Variants in ZNF239 observed in about 807,000 individuals in gnomAD.
ZNF239 encodes the protein zinc finger protein 239, also known as zinc finger protein (C2H2) homologous to mouse MOK-2.
Under a neutral mutation model 27.5 loss-of-function variants are expected in ZNF239, and 16 were observed. The observed-to-expected ratio is 0.58, with a 90% CI of 0.39 to 0.88. ZNF239 has a LOEUF of 0.88. ZNF239 is among the 40% of genes least tolerant of loss of function. The probability of loss-of-function intolerance (pLI) is 0.00; values close to 1 mark genes in which losing one functional copy is unlikely to be tolerated. For missense variants in ZNF239, 527 were observed against 551.9 expected, an observed-to-expected ratio of 0.95 and a Z score of 0.45; for synonymous variants, 199 against 192.6, an observed-to-expected ratio of 1.03 and a Z score of -0.27.
At chr10:43,561,198 A>T (rs553243727) in intron 3 of ZNF239, among the ~76,000 whole-genome samples, 2 of 152,278 alleles carry the variant, frequency 1.3e-5, no homozygotes, top group African/African-American at 4.8e-5. Flanking sequence ...ACACAGGGAG[A>T]GAAAATGATC....
chr10:43,565,817 G>GAAAAAAAAAAAAAAAAAAAAAAAAA, intron 3 of ZNF239, among the ~76,000 whole-genome samples: 1 of 67,146 alleles, frequency 1.5e-5, no homozygotes. Context: ...TCCATCTCAA[G>GAAAAAAAAAAAAAAAAAAAAAAAAA]AAAAAAAAAA....
chr10:43,561,334 A>AAAACAAACAAACAAAC (rs10647144), intron 3 of ZNF239, among the ~76,000 whole-genome samples: 23 of 150,962 alleles, frequency 1.5e-4, no homozygotes, highest in Middle Eastern at 3.4e-3. Flanking sequence ...CTTCAAGGAA[A>AAAACAAACAAACAAAC]AAACAAACAA....
intron 2 of ZNF239, chr10:43,568,381 C>A (rs557880868): frequency 1.0e-6 from 1 of 985,436 alleles, no homozygotes; most frequent in South Asian, 4.7e-5. Flanking sequence ...AACACTCTGA[C>A]CTCACATTTC....
intron 3 of ZNF239, among the ~76,000 whole-genome samples, chr10:43,566,522 G>C (rs1028908532): frequency 2.3e-4 from 35 of 152,182 alleles, no homozygotes; most frequent in African/African-American, 8.4e-4. Context: ...ATGAGCTCAA[G>C]CCATCTGCCC....
Position 43,567,884 on chromosome 10 carries a change from CAT to C in ZNF239, c.-93+13_-93+14del. ...GCCAATGGGCAGGTGTCCAAGTTCA[CAT>C]GTCCTTACCCACCAAGACCAAGTTT... is the stretch of plus-strand genomic sequence containing the variant. On this transcript the variant is annotated intron_variant, in intron 3 of 3. Transcript: ENST00000374446. The C allele has an allele frequency of 1.0e-6, 1 of 985,368 alleles. No individual in the cohort carries two copies. Among genetic ancestry groups the C allele is most frequent in the Non-Finnish European group, 1.2e-6 (1 of 829,602 alleles). 61.0% of individuals were successfully genotyped at this position (985,368 alleles called of 1,614,324 possible). A position where few individuals can be genotyped will look rare whatever the true frequency, so the allele number is the denominator to read the frequency against.
rs572508499 is a variant in ZNF239 at position 43,565,725 on chromosome 10, G to A, written c.-93+2174C>T. Among the ~76,000 whole-genome samples, 4 of 143,094 alleles carry A rather than the reference G, an allele frequency of 2.8e-5. No individual in the cohort carries two copies. The South Asian group carries it at 9.4e-4, about 34-fold the overall frequency. The allele number at this position is 143,094 out of a possible 152,430, so 93.9% of individuals were successfully genotyped here. On this transcript the variant is annotated intron_variant, in intron 3 of 3. Coordinates refer to ENST00000374446, the MANE Select transcript of ZNF239 (RefSeq NM_001099282.2). ...AGCTACTCAGGAGTCTGAGGCAGGA[G>A]AATTGCTTGAACCCAGGAGGCGGAG...
chr10:43,571,881 A>G (rs1275096251), intron 2 of ZNF239, among the ~76,000 whole-genome samples: 1 of 152,168 alleles, frequency 6.6e-6, no homozygotes. Flanking sequence ...AATCCCCAGC[A>G]ACTACCACAA....
In ZNF239 at chr10:43,556,605, A is replaced by T. The variant is rs1564448582; in HGVS notation, c.*98T>A. The T allele has an allele frequency of 2.1e-6, 3 of 1,442,248 alleles. No individual in the cohort carries two copies. The highest frequency in any genetic ancestry group is 2.8e-6 in the Non-Finnish European group (3 of 1,079,366). 89.3% of individuals were successfully genotyped at this position (1,442,248 alleles called of 1,614,324 possible). On this transcript the variant is annotated 3_prime_UTR_variant, in exon 4 of 4. Transcript: ENST00000374446. ...GGGAACATATCTAAATAACCCTTACATCTCTCTCCTTTGTAGAATATAAAG... is the reference window on the plus strand; with the variant it reads ...GGGAACATATCTAAATAACCCTTACTTCTCTCTCCTTTGTAGAATATAAAG...
intron 3 of ZNF239, among the ~76,000 whole-genome samples, chr10:43,560,531 G>A (rs1214553159): frequency 2.0e-5 from 3 of 146,562 alleles, no homozygotes; most frequent in Non-Finnish European, 4.5e-5. Flanking sequence ...TAGCCCATCC[G>A]TGGGGCCAGT....
intron 3 of ZNF239, among the ~76,000 whole-genome samples, chr10:43,565,843 A>AAAAAAAAAAG (rs1837606393): frequency 6.7e-6 from 1 of 148,440 alleles, no homozygotes; most frequent in Non-Finnish European, 1.5e-5. Flanking sequence ...AAAAAAAAAA[A>AAAAAAAAAAG]AAGAAAAAGA....
intron 2 of ZNF239, chr10:43,570,382 A>G: frequency 1.0e-6 from 1 of 985,396 alleles, no homozygotes; most frequent in Non-Finnish European, 1.2e-6. Context: ...TTAGCAAGGC[A>G]TGACCCATGG....
chr10:43,567,006 A>G (rs1327746644), intron 3 of ZNF239, among the ~76,000 whole-genome samples: 1 of 152,176 alleles, frequency 6.6e-6, no homozygotes, highest in African/African-American at 2.4e-5. Flanking sequence ...AGGCAGGAGA[A>G]TCACTTGAAC....
intron 3 of ZNF239, among the ~76,000 whole-genome samples, chr10:43,561,222 C>A (rs1193533693): frequency 6.6e-6 from 1 of 151,768 alleles, no homozygotes; most frequent in African/African-American, 2.4e-5. Flanking sequence ...GAAATAATAA[C>A]AAAAAAATGT....
At chr10:43,574,261 C>A (rs1240768057) in intron 1 of ZNF239, among the ~76,000 whole-genome samples, 1 of 152,236 alleles carries the variant, frequency 6.6e-6, no homozygotes, top group Non-Finnish European at 1.5e-5. Context: ...CAGAGCTCGG[C>A]CAGGAGGGAG....
intron 2 of ZNF239, chr10:43,568,409 A>C (rs1837824275): frequency 2.4e-5 from 24 of 985,454 alleles, no homozygotes; most frequent in Non-Finnish European, 2.9e-5. Flanking sequence ...CCACAGTGCC[A>C]ATGATCTCAG....
chr10:43,557,547 G>C lies in ZNF239; in HGVS notation c.533C>G (p.Pro178Arg), dbSNP rs199750361. Residue 178 changes from proline (P) to arginine (R), a missense_variant, in exon 4 of 4, where the codon CCC becomes CGC. Transcript: ENST00000374446. ...TTTCCCACAGTTATTATGGTCACAG[G>C]GTTTCTCCTCTGTATGAGCTCTCTG... is the stretch of plus-strand genomic sequence containing the variant. The part of the protein sequence containing the change: ...SQQRAHTEEK[P>R]CDHNNCGKIL... 133 of 1,614,144 alleles carry C rather than the reference G, an allele frequency of 8.2e-5. No homozygotes were observed. The African/African-American group carries it at 1.6e-3, about 19-fold the overall frequency.
intron 3 of ZNF239, among the ~76,000 whole-genome samples, chr10:43,559,863 G>C (rs559486094): frequency 6.6e-6 from 1 of 152,206 alleles, no homozygotes; most frequent in South Asian, 2.1e-4. Context: ...GGAGGAACTA[G>C]GGGAAAAAAA....
chr10:43,570,151 C>A, intron 2 of ZNF239: 1 of 984,938 alleles, frequency 1.0e-6, no homozygotes, highest in Non-Finnish European at 1.2e-6. Flanking sequence ...TTGGGCCTGC[C>A]CTGCAGGAGT....
chr10:43,568,274 T>C (rs1837814409), intron 2 of ZNF239: 3 of 985,410 alleles, frequency 3.0e-6, no homozygotes, highest in Non-Finnish European at 2.4e-6. Context: ...TGAATCTTTC[T>C]GTGTCACTCT....
Sources: allele counts gnomAD v4.1 joint callset (sites outside exome capture counted in the v4.1 genomes callset), GRCh38; gene constraint gnomAD v4.1.1; transcripts MANE v1.5; gene names NCBI Gene and HGNC (gene_info 2026-07-23, HGNC 2026-07-21).